The following SPRY3 variants were observed in gnomAD, a reference collection of about 807,000 sequenced individuals.
SPRY3 encodes protein sprouty homolog 3.
A neutral mutation model predicts 20.2 loss-of-function variants in SPRY3; 15 were observed. That is an observed-to-expected ratio of 0.74 (90% confidence interval 0.50 to 1.14). The LOEUF is 1.14. Among genes scored for constraint, SPRY3 ranks in the 50% most tolerant of loss-of-function variants. The pLI is 0.00. For missense variants in SPRY3, 364 were observed against 363.9 expected (o/e 1.00, Z 0.00); for synonymous variants, 143 against 136.5 (o/e 1.05, Z -0.33).
chrX:155,764,306 G>C (rs2091315954), intron 2 of SPRY3, among the ~76,000 whole-genome samples: 1 of 152,124 alleles, frequency 6.6e-6, no homozygotes, highest in Non-Finnish European at 1.5e-5. Context: ...AAGGAGCTAA[G>C]AAAACAAATT....
At chrX:155,735,248 A>G (rs1178189677) in intron 2 of SPRY3, among the ~76,000 whole-genome samples, 2 of 151,888 alleles carry the variant, frequency 1.3e-5, no homozygotes, top group Non-Finnish European at 2.9e-5. Flanking sequence ...TAATTTGTTA[A>G]GGTGTGTTTT....
chrX:155,706,910 G>A (rs2090955735), intron 2 of SPRY3, among the ~76,000 whole-genome samples: 1 of 150,836 alleles, frequency 6.6e-6, no homozygotes, highest in African/African-American at 2.4e-5. Flanking sequence ...AAATACTTAT[G>A]GGATGATCTT....
chrX:155,622,878 A>T (rs1557349585), intron 1 of SPRY3, among the ~76,000 whole-genome samples: 1 of 112,209 alleles, frequency 8.9e-6, no homozygotes, highest in Non-Finnish European at 1.9e-5. Flanking sequence ...AAGGGGTCTC[A>T]ATTAAACCAC....
chrX:155,655,286 T>C (rs1293945286), intron 1 of SPRY3, among the ~76,000 whole-genome samples: 1 of 111,719 alleles, frequency 9.0e-6, no homozygotes, highest in African/African-American at 3.3e-5. Flanking sequence ...ATGCATAGTT[T>C]GAAAATATTT....
At chrX:155,733,308 G>A (rs760162768) in intron 2 of SPRY3, among the ~76,000 whole-genome samples, 1 of 148,910 alleles carries the variant, frequency 6.7e-6, no homozygotes, top group Admixed American at 6.7e-5. Flanking sequence ...ACACATAGTA[G>A]GTGGGTATGT....
intron 2 of SPRY3, among the ~76,000 whole-genome samples, chrX:155,709,442 C>G (rs1414850279): frequency 3.3e-5 from 5 of 151,740 alleles, no homozygotes; most frequent in Middle Eastern, 6.8e-3. Context: ...TTTCATATTC[C>G]TGTTTGCATT....
At chrX:155,725,453 G>A (rs111941348) in intron 2 of SPRY3, among the ~76,000 whole-genome samples, 4 of 151,886 alleles carry the variant, frequency 2.6e-5, no homozygotes, top group Admixed American at 6.6e-5. Flanking sequence ...GGTCCTGGAC[G>A]TTTTTTTGGT....
At chrX:155,750,338 C>T (rs1384042858) in intron 2 of SPRY3, among the ~76,000 whole-genome samples, 1 of 151,764 alleles carries the variant, frequency 6.6e-6, no homozygotes, top group Non-Finnish European at 1.5e-5. Flanking sequence ...TGCTCACTAC[C>T]TGGGTGACGG....
At chrX:155,616,139 CTCTCTCTCTCT>C (rs1319451604) in intron 1 of SPRY3, among the ~76,000 whole-genome samples, 5 of 99,123 alleles carry the variant, frequency 5.0e-5, no homozygotes, top group Admixed American at 2.2e-4. Flanking sequence ...TCCTCTCTCT[CTCTCTCTCTCT>C]TCTCTCTCTC....
intron 2 of SPRY3, among the ~76,000 whole-genome samples, chrX:155,695,393 A>G (rs1241592566): frequency 1.8e-5 from 2 of 110,704 alleles, no homozygotes; most frequent in African/African-American, 6.6e-5. Context: ...ACTGTTCTCT[A>G]GATGCTTTTA....
At chrX:155,688,273 T>G (rs1462794011) in intron 2 of SPRY3, among the ~76,000 whole-genome samples, 1 of 111,037 alleles carries the variant, frequency 9.0e-6, no homozygotes, top group African/African-American at 3.3e-5. Context: ...ATTTTCTTTA[T>G]CCAGTCCCTC....
chrX:155,679,394 C>G (rs473529), intron 2 of SPRY3, among the ~76,000 whole-genome samples: 45,476 of 103,697 alleles, frequency 0.44, 10,099 homozygotes, highest in African/African-American at 0.82. Flanking sequence ...TGTGATGAAG[C>G]CTGCTCTCTG....
chrX:155,652,116 C>T (rs898196277), intron 1 of SPRY3, among the ~76,000 whole-genome samples: 15 of 110,973 alleles, frequency 1.4e-4, no homozygotes, highest in Non-Finnish European at 1.9e-4. Context: ...AGGAGAACAG[C>T]GAGGAGGAAA....
intron 2 of SPRY3, among the ~76,000 whole-genome samples, chrX:155,761,967 T>A (rs1322921917): frequency 6.6e-6 from 1 of 152,158 alleles, no homozygotes; most frequent in Non-Finnish European, 1.5e-5. Context: ...TCTTTCGTGT[T>A]AACAAGCCTT....
rs782232029 is a variant in SPRY3 at position 155,662,223 on chromosome X, C to T, written c.-282+5198C>T. Among the ~76,000 whole-genome samples, 4 of 110,704 alleles carry T rather than the reference C, an allele frequency of 3.6e-5. No individual in the cohort carries two copies. In the South Asian group the frequency reaches 1.5e-3, roughly 43 times the overall value. ...GATGAGACTTTTTGTTTCCCCCCAC[C>T]CCCTTGAGTGTGTGACTGTAGTGTA... On this transcript the variant is annotated intron_variant, in intron 2 of 3. Coordinates refer to ENST00000675360, the Ensembl canonical transcript of SPRY3.
intron 2 of SPRY3, among the ~76,000 whole-genome samples, chrX:155,727,516 T>C (rs1001052890): frequency 2.6e-5 from 4 of 152,188 alleles, no homozygotes; most frequent in Non-Finnish European, 1.5e-5. Context: ...TTATTTTCTC[T>C]AATCTTGTCT....
intron 2 of SPRY3, among the ~76,000 whole-genome samples, chrX:155,717,237 C>A (rs907466467): frequency 4.6e-5 from 7 of 151,112 alleles, no homozygotes; most frequent in African/African-American, 1.7e-4. Context: ...GTTATCTTCC[C>A]AATCAGCCAA....
chrX:155,766,622 C>G (rs1009706537), intron 2 of SPRY3, among the ~76,000 whole-genome samples: 7 of 152,120 alleles, frequency 4.6e-5, no homozygotes, highest in Non-Finnish European at 8.8e-5. Context: ...TGCTGTCATC[C>G]AAGTTCTTCT....
intron 2 of SPRY3, among the ~76,000 whole-genome samples, chrX:155,678,829 A>G (rs950692129): frequency 4.5e-5 from 5 of 112,256 alleles, no homozygotes; most frequent in African/African-American, 1.6e-4. Flanking sequence ...GAAAACTTGT[A>G]TGTTTTTTCA....
Sources: allele counts gnomAD v4.1 joint callset (sites outside exome capture counted in the v4.1 genomes callset), GRCh38; gene constraint gnomAD v4.1.1; transcripts MANE v1.5; gene names NCBI Gene and HGNC (gene_info 2026-07-23, HGNC 2026-07-21).